The following RMND5A variants were observed in gnomAD, a reference collection of about 807,000 sequenced individuals.
RMND5A encodes E3 ubiquitin-protein transferase RMND5A.
A neutral mutation model predicts 49.7 loss-of-function variants in RMND5A; 17 were observed. The observed-to-expected ratio is 0.34, with a 90% CI of 0.23 to 0.51. The LOEUF is 0.51. RMND5A is among the 20% of genes least tolerant of loss of function. RMND5A has a pLI of 0.96. For synonymous variants in RMND5A, 156 were observed against 167.7 expected (o/e 0.93, Z 0.54); for missense variants, 255 against 471.3 (o/e 0.54, Z 4.25).
At chr2:86,760,889 C>T (rs1002600757) in intron 4 of RMND5A, among the ~76,000 whole-genome samples, 1 of 151,896 alleles carries the variant, frequency 6.6e-6, no homozygotes, top group Non-Finnish European at 1.5e-5. Context: ...CATCTTTTCA[C>T]TTATATTGCA....
intron 4 of RMND5A, among the ~76,000 whole-genome samples, chr2:86,763,821 G>A (rs972072377): frequency 1.3e-5 from 2 of 151,790 alleles, no homozygotes; most frequent in Non-Finnish European, 2.9e-5. Flanking sequence ...TACCTGACTT[G>A]GTGTTACCAC....
chr2:86,765,300 G>A (rs377649749), intron 5 of RMND5A, 107 bp downstream of exon 5: 1 of 973,476 alleles, frequency 1.0e-6, no homozygotes, highest in Non-Finnish European at 1.5e-6. Context: ...GTAAACAGTT[G>A]TAGTTGATAA....
chr2:86,771,479 T>C (rs1243670989), intron 7 of RMND5A, 79 bp from the exon 8 acceptor site: 2 of 1,277,816 alleles, frequency 1.6e-6, no homozygotes, highest in East Asian at 2.3e-5. Context: ...TGTTCTTTGC[T>C]GCACAGTGTA....
chr2:86,770,004 T>C lies in RMND5A; in HGVS notation c.855-19T>C. On this transcript the variant is annotated intron_variant, in intron 6 of 8. Transcript: ENST00000283632. ...TGACCCCTGGCCTGGCACTGACGTT[T>C]CCTCTTCTGCTCTCCCAGTTTCTCA... The C allele has an allele frequency of 6.2e-7, 1 of 1,602,382 alleles. No individual in the cohort carries two copies. The highest frequency in any genetic ancestry group is 8.5e-7 in the Non-Finnish European group (1 of 1,169,636).
At chr2:86,748,530 AC>A (rs1465113283) in intron 2 of RMND5A, 1 of 152,240 alleles carries the variant, frequency 6.6e-6, no homozygotes, top group African/African-American at 2.4e-5. Context: ...TGTAGTAGTG[AC>A]CATAGTAAGC....
intron 4 of RMND5A, among the ~76,000 whole-genome samples, chr2:86,759,615 C>T (rs574561184): frequency 2.7e-5 from 4 of 149,378 alleles, no homozygotes; most frequent in Non-Finnish European, 6.0e-5. Flanking sequence ...TTTGCTTGCC[C>T]CCCCGCCCCC....
At chr2:86,765,822 A>ATT (rs1672580330) in intron 5 of RMND5A, 37 bp from the exon 6 acceptor site, 3 of 1,600,070 alleles carry the variant, frequency 1.9e-6, no homozygotes, top group Non-Finnish European at 1.7e-6. Flanking sequence ...TTATTACTGC[A>ATT]AGCAAACTAA....
Position 86,726,654 on chromosome 2 carries a change from G to C in RMND5A, c.142+5845G>C, listed in dbSNP as rs1335510926. On this transcript the variant is annotated intron_variant, in intron 1 of 8. Coordinates refer to ENST00000283632, the MANE Select transcript of RMND5A (RefSeq NM_022780.4). ...GTGTTTCCAGTTGGGTTTAGAAGTA[G>C]ATTTAACTTTGTTAGCCATTCTTTT... Among the ~76,000 whole-genome samples, 12 of 77,130 alleles carry C rather than the reference G, an allele frequency of 1.6e-4. 5 individuals are homozygous for C. Among genetic ancestry groups the C allele is most frequent in the Non-Finnish European group, 2.7e-4 (10 of 37,382 alleles). 50.6% of individuals were successfully genotyped at this position (77,130 alleles called of 152,430 possible). A position where few individuals can be genotyped will look rare whatever the true frequency, so the allele number is the denominator to read the frequency against.
intron 1 of RMND5A, among the ~76,000 whole-genome samples, chr2:86,721,563 G>A (rs1681223300): frequency 6.6e-6 from 1 of 151,118 alleles, no homozygotes; most frequent in Admixed American, 6.6e-5. Flanking sequence ...GGTTAAGTTC[G>A]TTCAAAAAAA....
chr2:86,758,990 G>GTA (rs533766235), intron 4 of RMND5A, among the ~76,000 whole-genome samples: 2 of 152,128 alleles, frequency 1.3e-5, no homozygotes, highest in Non-Finnish European at 2.9e-5. Context: ...ACCCCCAAGA[G>GTA]TATAGCCTTA....
At chr2:86,740,718 A>C (rs1376902424) in intron 1 of RMND5A, among the ~76,000 whole-genome samples, 2 of 150,672 alleles carry the variant, frequency 1.3e-5, no homozygotes, top group African/African-American at 4.9e-5. Flanking sequence ...TCACAGTAAA[A>C]TTTTCTTATT....
At chr2:86,748,859 T>G (rs1282482068) in intron 2 of RMND5A, among the ~76,000 whole-genome samples, 1 of 152,186 alleles carries the variant, frequency 6.6e-6, no homozygotes, top group South Asian at 2.1e-4. Context: ...ACTAATAAAT[T>G]TGTTGTTTGG....
chr2:86,744,554 A>G (rs954742189), intron 2 of RMND5A, among the ~76,000 whole-genome samples: 4 of 152,198 alleles, frequency 2.6e-5, no homozygotes, highest in African/African-American at 9.7e-5. Context: ...ACATTAGTAA[A>G]TTTTAGTCAT....
chr2:86,772,149 CT>C (rs1453334832), intron 8 of RMND5A, among the ~76,000 whole-genome samples: 1 of 152,114 alleles, frequency 6.6e-6, no homozygotes, highest in Non-Finnish European at 1.5e-5. Flanking sequence ...ATTTGTTTCT[CT>C]AAACAGTGCT....
chr2:86,746,049 A>G (rs776252785), intron 2 of RMND5A, among the ~76,000 whole-genome samples: 3 of 152,206 alleles, frequency 2.0e-5, no homozygotes, highest in Non-Finnish European at 4.4e-5. Context: ...TGCTGACTGT[A>G]TTAAGGAGTG....
chr2:86,759,840 G>A (rs1470452151), intron 4 of RMND5A, among the ~76,000 whole-genome samples: 2 of 151,952 alleles, frequency 1.3e-5, no homozygotes, highest in African/African-American at 4.8e-5. Context: ...GGAGGGGCAG[G>A]GGCAGGAATC....
chr2:86,771,638 C>G lies in RMND5A; in HGVS notation c.1038C>G (p.Asn346Lys), dbSNP rs771762935. Residue 346 changes from asparagine to lysine, a missense_variant, in exon 8 of 9, where the codon AAC (asparagine) becomes AAG (lysine). Physicochemically the swap from Asn to Lys is moderately conservative, Grantham distance 94. Coordinates refer to ENST00000283632, the MANE Select transcript of RMND5A (RefSeq NM_022780.4). ...CPILRQQTTD[N>K]NPPMKLVCGH... ...TTCTTCGTCAGCAAACAACAGATAACAATCCACCCATGAAATTGGTCTGTG... is the reference window on the plus strand; with the variant it reads ...TTCTTCGTCAGCAAACAACAGATAAGAATCCACCCATGAAATTGGTCTGTG... The G allele has an allele frequency of 6.2e-7, 1 of 1,612,928 alleles. No homozygotes were observed. Among genetic ancestry groups the G allele is most frequent in the South Asian group, 1.1e-5 (1 of 91,054 alleles).
chr2:86,768,574 G>A (rs996878768), intron 6 of RMND5A, among the ~76,000 whole-genome samples: 1 of 152,212 alleles, frequency 6.6e-6, no homozygotes, highest in Non-Finnish European at 1.5e-5. Context: ...GCAACAAGGT[G>A]TCTCCCATCC....
rs965648419 is a variant in RMND5A, at chr2:86,774,904, C to G, written c.*1493C>G. On this transcript the variant is annotated 3_prime_UTR_variant, in exon 9 of 9. Coordinates refer to ENST00000283632, the MANE Select transcript of RMND5A (RefSeq NM_022780.4). ...GCAGCGTTTTACAGTAGTACACCAGCCTGGATGTTTTTTCTAAAATGTTTA... is the reference window on the plus strand; with the variant it reads ...GCAGCGTTTTACAGTAGTACACCAGGCTGGATGTTTTTTCTAAAATGTTTA... 6 of 152,586 alleles carry G rather than the reference C, an allele frequency of 3.9e-5. No individual in the cohort carries two copies. Among genetic ancestry groups the G allele is most frequent in the Non-Finnish European group, 5.9e-5 (4 of 68,042 alleles). The allele number at this position is 152,586 out of a possible 1,614,324, so 9.5% of individuals were successfully genotyped here.
Sources: allele counts gnomAD v4.1 joint callset (sites outside exome capture counted in the v4.1 genomes callset), GRCh38; gene constraint gnomAD v4.1.1; transcripts MANE v1.5; gene names NCBI Gene and HGNC (gene_info 2026-07-23, HGNC 2026-07-21).